ACTR3C: variants seen among roughly 807,000 people sequenced by gnomAD.
ACTR3C encodes the protein actin-related protein 3C.
Under a neutral mutation model 26.3 loss-of-function variants are expected in ACTR3C, and 18 were observed. The observed-to-expected ratio is 0.68, with a 90% confidence interval of 0.47 to 1.01. The LOEUF (loss-of-function observed/expected upper bound fraction) is 1.01, where lower values mean the gene tolerates loss of function less well. ACTR3C is among the 50% of genes least tolerant of loss of function. The probability of loss-of-function intolerance (pLI) is 0.00; values close to 1 mark genes in which losing one functional copy is unlikely to be tolerated. For missense variants in ACTR3C, 184 were observed against 250.7 expected, an observed-to-expected ratio of 0.73 and a Z score of 1.80; for synonymous variants, 55 against 94.5, an observed-to-expected ratio of 0.58 and a Z score of 2.42.
At chr7:150,119,550 T>C in the ACTR3C span, among the ~76,000 whole-genome samples, 7 of 152,186 alleles carry the variant, frequency 4.6e-5, no homozygotes, top group Admixed American at 2.0e-4. Context: ...TAAATATATA[T>C]GCACCCAATA....
At chr7:150,055,623 A>G in the ACTR3C span, among the ~76,000 whole-genome samples, 1 of 152,126 alleles carries the variant, frequency 6.6e-6, no homozygotes, top group Non-Finnish European at 1.5e-5. Flanking sequence ...CATGTCAGGA[A>G]GAAGGTAGAA....
the ACTR3C span, among the ~76,000 whole-genome samples, chr7:150,090,583 T>C: frequency 6.6e-6 from 1 of 151,262 alleles, no homozygotes; most frequent in East Asian, 1.9e-4. Flanking sequence ...AAAAGTCAAA[T>C]ACTTACAAAC....
chr7:150,047,609 G>A, the ACTR3C span: 1,368 of 1,037,932 alleles, frequency 1.3e-3, 14 homozygotes, highest in African/African-American at 0.022. Context: ...AAGCTCTTAC[G>A]TCCTCCTTGT....
the ACTR3C span, among the ~76,000 whole-genome samples, chr7:150,039,504 C>G: frequency 1.2e-4 from 9 of 74,804 alleles, no homozygotes; most frequent in Non-Finnish European, 1.5e-4. Context: ...AGTCCCCACT[C>G]TCGTGGGGGG....
the ACTR3C span, among the ~76,000 whole-genome samples, chr7:150,041,086 A>G: frequency 3.7e-3 from 551 of 150,776 alleles, 1 homozygote; most frequent in Non-Finnish European, 6.5e-3. Context: ...TCTGACGCAT[A>G]CAATGGAAAA....
At chr7:149,892,916 T>C in the ACTR3C span, among the ~76,000 whole-genome samples, 1 of 151,016 alleles carries the variant, frequency 6.6e-6, no homozygotes, top group Admixed American at 6.7e-5. Flanking sequence ...TAGAATGTTA[T>C]TGGTTAATAT....
chr7:150,254,336 T>C (rs1833057984), intron 6 of ACTR3C, among the ~76,000 whole-genome samples: 1 of 152,190 alleles, frequency 6.6e-6, no homozygotes, highest in African/African-American at 2.4e-5. Context: ...CAAGTATAAA[T>C]TGCTTATCAT....
intron 6 of ACTR3C, among the ~76,000 whole-genome samples, chr7:150,249,268 T>C (rs1832664507): frequency 6.6e-6 from 1 of 152,132 alleles, no homozygotes. Flanking sequence ...GAAGTGCTTT[T>C]CCAAGTGCTG....
chr7:150,131,759 A>C, the ACTR3C span, among the ~76,000 whole-genome samples: 1 of 152,220 alleles, frequency 6.6e-6, no homozygotes, highest in Non-Finnish European at 1.5e-5. Context: ...CACGTACACA[A>C]ATATTCATAG....
At chr7:150,184,029 G>A in the ACTR3C span, among the ~76,000 whole-genome samples, 10 of 150,632 alleles carry the variant, frequency 6.6e-5, no homozygotes, top group African/African-American at 2.3e-4. Context: ...CAGCCATGTG[G>A]AACTGTGAGT....
the ACTR3C span, among the ~76,000 whole-genome samples, chr7:150,200,304 T>C: frequency 6.6e-6 from 1 of 152,198 alleles, no homozygotes; most frequent in African/African-American, 2.4e-5. Context: ...AAATTGTCTT[T>C]ATTAAAATTA....
chr7:150,138,789 C>T, the ACTR3C span, among the ~76,000 whole-genome samples: 520 of 152,400 alleles, frequency 3.4e-3, no homozygotes, highest in African/African-American at 0.012. Flanking sequence ...TCTGTACTTA[C>T]AGCCGCTCCC....
chr7:149,966,552 A>G, the ACTR3C span, among the ~76,000 whole-genome samples: 1 of 152,248 alleles, frequency 6.6e-6, no homozygotes, highest in African/African-American at 2.4e-5. Flanking sequence ...ATAGTGTGAC[A>G]TAATCCTACA....
chr7:150,251,446 T>C (rs552044119), intron 6 of ACTR3C, among the ~76,000 whole-genome samples: 1 of 152,308 alleles, frequency 6.6e-6, no homozygotes, highest in South Asian at 2.1e-4. Flanking sequence ...TTAATAAAAA[T>C]GCTTTTACCC....
the ACTR3C span, among the ~76,000 whole-genome samples, chr7:150,071,930 G>C: frequency 1.4e-5 from 2 of 144,732 alleles, 1 homozygote; most frequent in Non-Finnish European, 3.1e-5. Context: ...CGGAGCAGGC[G>C]GAGAGGGGCC....
the ACTR3C span, among the ~76,000 whole-genome samples, chr7:150,183,696 C>CAAAAA: frequency 1.7e-4 from 8 of 48,024 alleles, no homozygotes; most frequent in African/African-American, 2.8e-4. Context: ...GTGGCTATGG[C>CAAAAA]AAAAAAAAAA....
At chr7:150,039,599 C>A in the ACTR3C span, among the ~76,000 whole-genome samples, 1 of 99,330 alleles carries the variant, frequency 1.0e-5, no homozygotes, top group African/African-American at 4.0e-5. Context: ...AGGTACCTGC[C>A]GTCGGAAGAT....
At chr7:150,314,562 A>ATAGT (rs1400145378) in intron 1 of ACTR3C, among the ~76,000 whole-genome samples, 1 of 152,146 alleles carries the variant, frequency 6.6e-6, no homozygotes, top group Non-Finnish European at 1.5e-5. Flanking sequence ...TGGCAAACAT[A>ATAGT]TAGTTACTCT....
At chr7:150,279,645 CCTT>C (rs775502004) in intron 6 of ACTR3C, among the ~76,000 whole-genome samples, 10 of 152,082 alleles carry the variant, frequency 6.6e-5, no homozygotes, top group Non-Finnish European at 1.5e-4. Context: ...TGCCCACTCT[CCTT>C]CTATCTGCGC....
Sources: gnomAD v4.1 joint callset for allele counts (sites outside exome capture counted in the v4.1 genomes callset) on GRCh38, gnomAD v4.1.1 for gene constraint, MANE v1.5 for transcripts, NCBI Gene and HGNC (gene_info 2026-07-23, HGNC 2026-07-21) for gene names.